Variants in UST observed in about 807,000 individuals in gnomAD.
UST encodes the protein uronyl 2-sulfotransferase.
UST carries 21 observed loss-of-function variants against 45.6 expected under a neutral mutation model. The ratio of observed to expected loss-of-function variants is 0.46; its 90% CI spans 0.33 to 0.66. UST has a LOEUF of 0.66. Among genes scored for constraint, UST ranks in the 30% least tolerant of loss-of-function variants. The pLI is 0.02. For synonymous variants in UST, 215 were observed against 200.6 expected, an observed-to-expected ratio of 1.07 and a Z score of -0.61; for missense variants, 463 against 512.4, an observed-to-expected ratio of 0.90 and a Z score of 0.93.
chr6:148,852,707 C>CT (rs932593312), intron 1 of UST, among the ~76,000 whole-genome samples: 1 of 152,076 alleles, frequency 6.6e-6, no homozygotes, highest in Admixed American at 6.5e-5. Context: ...TCCTATTTAT[C>CT]TTTTTTATTG....
intron 2 of UST, among the ~76,000 whole-genome samples, chr6:148,911,918 C>T (rs964454111): frequency 1.3e-5 from 2 of 152,042 alleles, no homozygotes; most frequent in Admixed American, 6.6e-5. Context: ...AGATTCAGGC[C>T]GGCCATAGTG....
chr6:148,948,478 A>G (rs192243080), intron 3 of UST, among the ~76,000 whole-genome samples: 199 of 152,336 alleles, frequency 1.3e-3, no homozygotes, highest in African/African-American at 4.4e-3. Context: ...GGTTGAAAGC[A>G]AAAGATTAGG....
intron 1 of UST, among the ~76,000 whole-genome samples, chr6:148,865,712 GT>G (rs1402037611): frequency 0.02 from 1,585 of 78,442 alleles, 27 homozygotes; most frequent in East Asian, 0.2. Context: ...GTGTGTGTGT[GT>G]GAATTCAGAG....
intron 1 of UST, among the ~76,000 whole-genome samples, chr6:148,847,867 G>A (rs1221398880): frequency 6.6e-6 from 1 of 152,180 alleles, no homozygotes; most frequent in African/African-American, 2.4e-5. Context: ...GTGATTTCTG[G>A]ATAAATACTC....
chr6:148,752,131 G>A (rs577945187), intron 1 of UST, among the ~76,000 whole-genome samples: 38 of 152,254 alleles, frequency 2.5e-4, no homozygotes, highest in African/African-American at 8.7e-4. Flanking sequence ...TATTATATAT[G>A]AGCCTGGCAA....
chr6:148,893,797 C>T (rs1219075413), intron 2 of UST, among the ~76,000 whole-genome samples: 1 of 152,188 alleles, frequency 6.6e-6, no homozygotes, highest in East Asian at 1.9e-4. Context: ...GGAAGCTCAA[C>T]TTGACCTTTT....
chr6:149,029,451 A>AT (rs1299759670), intron 7 of UST, among the ~76,000 whole-genome samples: 2 of 143,628 alleles, frequency 1.4e-5, no homozygotes, highest in Admixed American at 1.4e-4. Flanking sequence ...ATTATATTAT[A>AT]TATACATTAT....
At chr6:149,070,870 C>T (rs923776030) in intron 7 of UST, among the ~76,000 whole-genome samples, 7 of 152,136 alleles carry the variant, frequency 4.6e-5, no homozygotes, top group Non-Finnish European at 8.8e-5. Context: ...CGGGTTCAAG[C>T]AATTCTCCTG....
intron 1 of UST, among the ~76,000 whole-genome samples, chr6:148,835,978 C>G (rs1777779822): frequency 6.6e-6 from 1 of 151,946 alleles, no homozygotes; most frequent in South Asian, 2.1e-4. Context: ...TTTTTGTTGT[C>G]TGGCCAATAA....
chr6:148,961,637 G>T (rs887788794), intron 4 of UST, among the ~76,000 whole-genome samples: 2 of 152,216 alleles, frequency 1.3e-5, no homozygotes, highest in African/African-American at 4.8e-5. Context: ...GTTAAATATT[G>T]GCTGAGTATA....
chr6:148,992,814 A>G (rs1018487535), intron 5 of UST, among the ~76,000 whole-genome samples: 6 of 152,348 alleles, frequency 3.9e-5, no homozygotes, highest in African/African-American at 1.4e-4. Context: ...CTGCTCAAGG[A>G]AAGAAATAAC....
In UST at chr6:149,019,231, A is replaced by T; in HGVS notation, c.774A>T (p.Arg258Ser). Reference protein sequence around the residue: ...IIPYFCGQHPRCREPGEWALE... With the variant: ...IIPYFCGQHPSCREPGEWALE... ...CGTACTTTTGTGGACAGCATCCCAG[A>T]TGCAGGTAAGGGCTAAAGCAGGGTC... The change falls in exon 6 of 8, where the codon AGA becomes AGT. Residue 258 changes from arginine to serine, a missense_variant. By Grantham distance (110) the Arg-to-Ser change is moderately radical. Coordinates refer to ENST00000367463, the MANE Select transcript of UST (RefSeq NM_005715.3). 2 of 1,613,786 alleles carry T rather than the reference A, an allele frequency of 1.2e-6. No individual in the cohort carries two copies. The highest frequency in any genetic ancestry group is 2.2e-5 in the East Asian group (1 of 44,882).
At chr6:149,056,999 T>C (rs887261467) in intron 7 of UST, among the ~76,000 whole-genome samples, 2 of 152,236 alleles carry the variant, frequency 1.3e-5, no homozygotes, top group African/African-American at 4.8e-5. Context: ...AGAGAGAACA[T>C]CCAGGTTGTT....
chr6:149,038,382 GGAGA>G (rs1451381695), intron 7 of UST, among the ~76,000 whole-genome samples: 1 of 150,100 alleles, frequency 6.7e-6, no homozygotes, highest in African/African-American at 2.5e-5. Context: ...GCCCTTAAAA[GGAGA>G]GAGAGACTGA....
intron 4 of UST, among the ~76,000 whole-genome samples, chr6:148,964,078 C>G (rs888355261): frequency 8.5e-5 from 13 of 152,172 alleles, no homozygotes; most frequent in African/African-American, 3.1e-4. Flanking sequence ...ACAGAGTGGC[C>G]CCCATCCTCA....
intron 1 of UST, among the ~76,000 whole-genome samples, chr6:148,819,711 G>A: frequency 6.6e-6 from 1 of 152,104 alleles, no homozygotes; most frequent in East Asian, 1.9e-4. Context: ...AATAACTTAT[G>A]TTAGCACATA....
chr6:148,924,858 G>C (rs1015092232), intron 2 of UST, among the ~76,000 whole-genome samples: 3 of 152,188 alleles, frequency 2.0e-5, no homozygotes, highest in Admixed American at 6.5e-5. Flanking sequence ...TTGGGGCTGG[G>C]CTGAGAGAAG....
intron 1 of UST, among the ~76,000 whole-genome samples, chr6:148,858,095 A>T (rs1778239152): frequency 6.6e-6 from 1 of 152,204 alleles, no homozygotes; most frequent in Non-Finnish European, 1.5e-5. Context: ...CTGTAGAGGC[A>T]CAGAACTAAT....
At chr6:149,047,157 G>A (rs1456247807) in intron 7 of UST, among the ~76,000 whole-genome samples, 2 of 152,194 alleles carry the variant, frequency 1.3e-5, no homozygotes, top group South Asian at 2.1e-4. Context: ...CAGACCAAGA[G>A]TAAAAATATA....
Sources: allele counts gnomAD v4.1 joint callset (sites outside exome capture counted in the v4.1 genomes callset), GRCh38; gene constraint gnomAD v4.1.1; transcripts MANE v1.5; gene names NCBI Gene and HGNC (gene_info 2026-07-23, HGNC 2026-07-21).